The following MAP7D2 variants were observed in gnomAD, a reference collection of about 807,000 sequenced individuals.
The protein encoded by MAP7D2 is MAP7 domain containing 2, also known as MAP7 domain-containing protein 2.
In MAP7D2, 33 loss-of-function variants were observed where a neutral mutation model predicts 63.5. The ratio of observed to expected loss-of-function variants is 0.52; its 90% CI spans 0.39 to 0.70. The LOEUF is 0.70. Ranked by LOEUF, MAP7D2 falls within the 30% of genes least tolerant of loss-of-function variation. MAP7D2 has a pLI of 0.00. For missense variants in MAP7D2, 626 were observed against 604.0 expected, an observed-to-expected ratio of 1.04 and a Z score of -0.38; for synonymous variants, 224 against 223.7, an observed-to-expected ratio of 1.00 and a Z score of -0.01.
Position 20,042,648 on chromosome X carries a change from A to G in MAP7D2, c.880-19T>C. 1.7e-6 allele frequency: 2 copies of G among 1,210,377 alleles called. No individual in the cohort carries two copies. The highest frequency in any genetic ancestry group is 2.2e-6 in the Non-Finnish European group (2 of 894,614). On this transcript the variant is annotated intron_variant, in intron 7 of 16. Transcript: ENST00000379643. ...TCTCCACCTGTAGGGGACACAGGATAGCCACAGTCCATGACTGGCACTACT... is the reference window on the plus strand; with the variant it reads ...TCTCCACCTGTAGGGGACACAGGATGGCCACAGTCCATGACTGGCACTACT...
In MAP7D2 at chrX:20,056,681, A is replaced by C; in HGVS notation, c.483T>G (p.Asp161Glu). The C allele has an allele frequency of 8.3e-7, 1 of 1,207,115 alleles. No homozygotes were observed. Among genetic ancestry groups the C allele is most frequent in the Non-Finnish European group, 1.1e-6 (1 of 891,502 alleles). ...APLAIGPGGH[D>E]ACDKLSTSTM... ...ATACAGGGGCAACCCTACACTCACC[A>C]TCATGTCCTCCGGGTCCAATGGCCA... Residue 161 changes from aspartate (D) to glutamate (E), a missense_variant and splice_region_variant, in exon 4 of 17, where the codon GAT becomes GAG. Coordinates refer to ENST00000379643, the MANE Select transcript of MAP7D2 (RefSeq NM_001168465.2).
At chrX:20,012,303 T>C (rs2073228658) in intron 15 of MAP7D2, 46 bp downstream of exon 15, 1 of 970,944 alleles carries the variant, frequency 1.0e-6, no homozygotes, top group Admixed American at 3.1e-5. Flanking sequence ...GAAAGGGTAG[T>C]GTTTCGAGAA....
chrX:20,014,000 C>A (rs2073294626), intron 12 of MAP7D2, among the ~76,000 whole-genome samples: 1 of 112,139 alleles, frequency 8.9e-6, no homozygotes, highest in Admixed American at 9.4e-5. Context: ...AGGCCACAGG[C>A]TGGTCTCCTG....
In MAP7D2 at chrX:20,017,288, C is replaced by T. The variant is rs751229328; in HGVS notation, c.1413-963G>A. 5.1e-4 allele frequency: 58 copies of T among 113,142 alleles called. No individual in the cohort carries two copies. The South Asian group carries it at 0.017, about 33-fold the overall frequency. The allele number at this position is 113,142 out of a possible 1,213,427, so 9.3% of individuals were successfully genotyped here. ...TGCCTGGCCCTAGAAGGTTCTCAAACGTTAGTTTGTTTTACAATTTAAAAT... is the reference window on the plus strand; with the variant it reads ...TGCCTGGCCCTAGAAGGTTCTCAAATGTTAGTTTGTTTTACAATTTAAAAT... On this transcript the variant is annotated intron_variant, in intron 10 of 16. Coordinates refer to ENST00000379643, the MANE Select transcript of MAP7D2 (RefSeq NM_001168465.2).
At chrX:20,115,173 A>T (rs2066857705) in intron 1 of MAP7D2, among the ~76,000 whole-genome samples, 1 of 108,621 alleles carries the variant, frequency 9.2e-6, no homozygotes, top group African/African-American at 3.4e-5. Context: ...AATAGTTTCC[A>T]AACAGAACTT....
intron 1 of MAP7D2, among the ~76,000 whole-genome samples, chrX:20,101,216 T>G (rs905745810): frequency 8.9e-6 from 1 of 111,880 alleles, no homozygotes; most frequent in Admixed American, 9.5e-5. Context: ...CAATAAGAAA[T>G]GAATACAAGC....
intron 1 of MAP7D2, among the ~76,000 whole-genome samples, chrX:20,080,335 G>C (rs370232514): frequency 1.8e-5 from 2 of 110,291 alleles, no homozygotes; most frequent in South Asian, 7.8e-4. Flanking sequence ...GTTCATCACA[G>C]TTTTTTGTGC....
At position 20,016,074 on chromosome X, in the gene MAP7D2, T is replaced by C; in HGVS notation, c.1644+20A>G. ...GTCCTTAAAAAACAAGTAAAGTCCA[T>C]CTGAGGACTCATACAGTACCTGCTT... is the stretch of plus-strand genomic sequence containing the variant. On this transcript the variant is annotated intron_variant, in intron 11 of 16. Coordinates refer to ENST00000379643, the MANE Select transcript of MAP7D2 (RefSeq NM_001168465.2). The C allele has an allele frequency of 8.5e-7, 1 of 1,179,200 alleles. No homozygotes were observed. The highest frequency in any genetic ancestry group is 1.2e-6 in the Non-Finnish European group (1 of 867,976).
intron 1 of MAP7D2, among the ~76,000 whole-genome samples, chrX:20,075,414 G>C (rs56278814): frequency 5.6e-4 from 62 of 110,373 alleles, no homozygotes; most frequent in African/African-American, 2.0e-3. Context: ...ACACTGGAAA[G>C]GGGAAAAATA....
At chrX:20,076,277 C>T (rs2065639849) in intron 1 of MAP7D2, among the ~76,000 whole-genome samples, 1 of 111,832 alleles carries the variant, frequency 8.9e-6, no homozygotes, top group South Asian at 3.7e-4. Context: ...CCAATTCATT[C>T]CTTGCAACGT....
At chrX:20,074,615 A>G (rs1054606965) in intron 1 of MAP7D2, among the ~76,000 whole-genome samples, 10 of 111,927 alleles carry the variant, frequency 8.9e-5, no homozygotes, top group African/African-American at 3.3e-4. Context: ...AATTCTCTCC[A>G]TAACTCAGGA....
intron 8 of MAP7D2, among the ~76,000 whole-genome samples, chrX:20,037,162 C>T (rs1216671301): frequency 9.1e-6 from 1 of 110,348 alleles, no homozygotes; most frequent in Non-Finnish European, 1.9e-5. Context: ...AGGTGAAGTC[C>T]CACAATAGGC....
intron 6 of MAP7D2, among the ~76,000 whole-genome samples, chrX:20,045,293 G>A (rs151051931): frequency 1.8e-3 from 194 of 110,182 alleles, no homozygotes; most frequent in Middle Eastern, 4.6e-3. Context: ...GCCATGGGCC[G>A]GGCATGGTGG....
At chrX:20,019,185 C>T (rs910853602) in intron 10 of MAP7D2, among the ~76,000 whole-genome samples, 6 of 110,720 alleles carry the variant, frequency 5.4e-5, no homozygotes, top group Non-Finnish European at 1.1e-4. Flanking sequence ...GCCACCATGC[C>T]TGGATCATTT....
At chrX:20,075,485 G>C (rs998648405) in intron 1 of MAP7D2, among the ~76,000 whole-genome samples, 1 of 110,721 alleles carries the variant, frequency 9.0e-6, no homozygotes, top group Non-Finnish European at 1.9e-5. Flanking sequence ...AGAGAGATGA[G>C]GGACTAGGAA....
intron 12 of MAP7D2, among the ~76,000 whole-genome samples, chrX:20,014,144 TAAAAGACA>T (rs1205708514): frequency 1.8e-5 from 2 of 112,585 alleles, no homozygotes; most frequent in Non-Finnish European, 3.8e-5. Context: ...ACACTCCAAT[TAAAAGACA>T]AAGACTGTCA....
intron 8 of MAP7D2, among the ~76,000 whole-genome samples, chrX:20,039,804 T>G (rs1363762585): frequency 1.8e-5 from 2 of 109,904 alleles, no homozygotes; most frequent in South Asian, 3.9e-4. Flanking sequence ...ATGGAGACCA[T>G]CCTGGCCAAT....
At chrX:20,100,913 C>T (rs1282867199) in intron 1 of MAP7D2, among the ~76,000 whole-genome samples, 1 of 108,892 alleles carries the variant, frequency 9.2e-6, no homozygotes, top group Non-Finnish European at 1.9e-5. Flanking sequence ...TCCAACCACT[C>T]AGGAGGCTGA....
At chrX:20,073,363 T>C (rs2065555142) in intron 1 of MAP7D2, among the ~76,000 whole-genome samples, 1 of 111,139 alleles carries the variant, frequency 9.0e-6, no homozygotes, top group Admixed American at 9.6e-5. Flanking sequence ...GGAAGAAAAA[T>C]GAGTGTTTAT....
Sources: allele counts gnomAD v4.1 joint callset (sites outside exome capture counted in the v4.1 genomes callset), GRCh38; gene constraint gnomAD v4.1.1; transcripts MANE v1.5; gene names NCBI Gene and HGNC (gene_info 2026-07-23, HGNC 2026-07-21).